GALNT13: variants seen among roughly 807,000 people sequenced by gnomAD.
The protein encoded by GALNT13 is polypeptide N-acetylgalactosaminyltransferase 13.
Under a neutral mutation model 64.2 loss-of-function variants are expected in GALNT13, and 28 were observed. The observed-to-expected ratio is 0.44, with a 90% CI of 0.32 to 0.60. The LOEUF (loss-of-function observed/expected upper bound fraction) is 0.60, where lower values mean the gene tolerates loss of function less well. Ranked by LOEUF, GALNT13 falls within the 20% of genes least tolerant of loss-of-function variation. The probability of loss-of-function intolerance (pLI) is 0.05; values close to 1 mark genes in which losing one functional copy is unlikely to be tolerated. For synonymous variants in GALNT13, 214 were observed against 224.6 expected, an observed-to-expected ratio of 0.95 and a Z score of 0.42; for missense variants, 577 against 669.8, an observed-to-expected ratio of 0.86 and a Z score of 1.53.
intron 3 of GALNT13, among the ~76,000 whole-genome samples, chr2:154,106,694 T>C (rs1385016730): frequency 2.0e-5 from 3 of 151,938 alleles, no homozygotes; most frequent in Non-Finnish European, 2.9e-5. Context: ...GTGTTCCTTT[T>C]TGTGGGCCTT....
the GALNT13 span, among the ~76,000 whole-genome samples, chr2:153,242,015 T>C: frequency 6.6e-6 from 1 of 152,122 alleles, no homozygotes; most frequent in Non-Finnish European, 1.5e-5. Flanking sequence ...GTGGGGATAC[T>C]TGTCGTGGTT....
chr2:153,607,121 G>GTTTTCTAAATATGTTATCAGAGAAA, the GALNT13 span, among the ~76,000 whole-genome samples: 1 of 151,850 alleles, frequency 6.6e-6, no homozygotes, highest in Admixed American at 6.6e-5. Flanking sequence ...CCTCTACTAG[G>GTTTTCTAAATATGTTATCAGAGAAA]ATCCCCAGGA....
the GALNT13 span, among the ~76,000 whole-genome samples, chr2:153,345,838 C>T: frequency 2.0e-5 from 3 of 150,604 alleles, no homozygotes; most frequent in Admixed American, 1.3e-4. Flanking sequence ...CCTTGTGGCC[C>T]AGGCTGGAGT....
chr2:153,088,231 T>C, the GALNT13 span, among the ~76,000 whole-genome samples: 1 of 151,938 alleles, frequency 6.6e-6, no homozygotes, highest in Non-Finnish European at 1.5e-5. Flanking sequence ...CCAAAGATCA[T>C]TCAAGAGCAG....
intron 3 of GALNT13, among the ~76,000 whole-genome samples, chr2:154,000,114 C>T (rs1445915385): frequency 6.6e-6 from 1 of 151,316 alleles, no homozygotes; most frequent in Non-Finnish European, 1.5e-5. Context: ...TTTTCCAATT[C>T]GTTGGTATAT....
At chr2:154,133,833 G>T (rs1417610418) in intron 3 of GALNT13, among the ~76,000 whole-genome samples, 2 of 151,760 alleles carry the variant, frequency 1.3e-5, no homozygotes, top group Admixed American at 6.6e-5. Flanking sequence ...ATAACAAATA[G>T]ACCCAAAATT....
chr2:154,291,402 T>G (rs1399219957), intron 8 of GALNT13, among the ~76,000 whole-genome samples: 1 of 152,180 alleles, frequency 6.6e-6, no homozygotes, highest in Non-Finnish European at 1.5e-5. Flanking sequence ...AGAGTGCTGA[T>G]TGGTGCATTT....
the GALNT13 span, among the ~76,000 whole-genome samples, chr2:153,321,625 A>G: frequency 6.6e-6 from 1 of 152,182 alleles, no homozygotes; most frequent in South Asian, 2.1e-4. Context: ...TGTAGCCTAG[A>G]TTCCCCCAAA....
intron 4 of GALNT13, 39 bp downstream of exon 4, chr2:154,140,544 A>G: frequency 2.9e-6 from 4 of 1,397,318 alleles, no homozygotes; most frequent in Non-Finnish European, 4.0e-6. Context: ...TATATTCATA[A>G]TCACCATATT....
intron 12 of GALNT13, chr2:154,446,854 A>ACTCC: frequency 7.5e-7 from 1 of 1,325,906 alleles, no homozygotes; most frequent in Non-Finnish European, 9.9e-7. Flanking sequence ...AATGTGGTTA[A>ACTCC]GAAAAATTTG....
chr2:154,007,958 C>G (rs1156551840), intron 3 of GALNT13, among the ~76,000 whole-genome samples: 2 of 149,056 alleles, frequency 1.3e-5, no homozygotes, highest in Non-Finnish European at 3.0e-5. Context: ...ATTTCCACTC[C>G]TATTCCATCC....
chr2:154,172,000 A>ACACG (rs1223698483), intron 4 of GALNT13, among the ~76,000 whole-genome samples: 11 of 150,750 alleles, frequency 7.3e-5, no homozygotes, highest in African/African-American at 2.7e-4. Context: ...ACACACACAC[A>ACACG]CACACAATGC....
chr2:154,151,025 G>A (rs1302031250), intron 4 of GALNT13, among the ~76,000 whole-genome samples: 2 of 152,016 alleles, frequency 1.3e-5, no homozygotes, highest in Admixed American at 6.6e-5. Context: ...TGATGTTAGG[G>A]GGTCAATTTT....
At chr2:153,295,983 T>C in the GALNT13 span, among the ~76,000 whole-genome samples, 2 of 152,140 alleles carry the variant, frequency 1.3e-5, no homozygotes, top group South Asian at 2.1e-4. Context: ...ATAGCAAGGG[T>C]CAAGGGCTAC....
chr2:154,355,355 T>C (rs1696678694), intron 9 of GALNT13, among the ~76,000 whole-genome samples: 1 of 152,138 alleles, frequency 6.6e-6, no homozygotes, highest in Non-Finnish European at 1.5e-5. Flanking sequence ...ATCTTTGACC[T>C]ACAAAAACAA....
At chr2:153,091,365 A>G in the GALNT13 span, among the ~76,000 whole-genome samples, 1 of 152,134 alleles carries the variant, frequency 6.6e-6, no homozygotes, top group Non-Finnish European at 1.5e-5. Flanking sequence ...AGCTCTAGGT[A>G]AGGTGAAATC....
At chr2:153,228,043 A>G in the GALNT13 span, among the ~76,000 whole-genome samples, 2 of 152,234 alleles carry the variant, frequency 1.3e-5, no homozygotes, top group African/African-American at 4.8e-5. Flanking sequence ...AGTACTAACA[A>G]TGCTCTTAAA....
At chr2:153,926,616 G>A (rs1045691024) in intron 2 of GALNT13, among the ~76,000 whole-genome samples, 1 of 152,078 alleles carries the variant, frequency 6.6e-6, no homozygotes, top group Non-Finnish European at 1.5e-5. Context: ...CTTAAATCAG[G>A]CTTCGTTTTA....
At chr2:153,439,931 G>A in the GALNT13 span, among the ~76,000 whole-genome samples, 1 of 152,170 alleles carries the variant, frequency 6.6e-6, no homozygotes, top group African/African-American at 2.4e-5. Flanking sequence ...GCTGCAGACT[G>A]GAGCTGTTCC....
Sources: gnomAD v4.1 joint callset for allele counts (sites outside exome capture counted in the v4.1 genomes callset) on GRCh38, gnomAD v4.1.1 for gene constraint, MANE v1.5 for transcripts, NCBI Gene and HGNC (gene_info 2026-07-23, HGNC 2026-07-21) for gene names.